Variants in SLC2A13 observed in about 807,000 individuals in gnomAD.
The protein encoded by SLC2A13 is proton myo-inositol cotransporter.
A neutral mutation model predicts 64.4 loss-of-function variants in SLC2A13; 32 were observed. The observed-to-expected ratio is 0.50, with a 90% CI of 0.37 to 0.67. SLC2A13 has a LOEUF of 0.67. Among genes scored for constraint, SLC2A13 ranks in the 30% least tolerant of loss-of-function variants. The pLI, the probability that SLC2A13 is intolerant of heterozygous loss-of-function variation, is 0.00. For missense variants in SLC2A13, 743 were observed against 829.2 expected, an observed-to-expected ratio of 0.90 and a Z score of 1.28; for synonymous variants, 338 against 327.1, an observed-to-expected ratio of 1.03 and a Z score of -0.36.
At chr12:39,809,030 T>C (rs1040049091) in intron 7 of SLC2A13, among the ~76,000 whole-genome samples, 3 of 152,182 alleles carry the variant, frequency 2.0e-5, no homozygotes, top group African/African-American at 7.2e-5. Flanking sequence ...ATAAATGTTT[T>C]ATGATTTTAG....
Position 39,951,382 on chromosome 12 carries a change from A to AG in SLC2A13, c.926-18dup. Reference sequence around the variant, plus strand: ...CAGGTCCAGCTTTTTTAAGAAAGAAAGAAAAAAAAAATACAACTATTATTT... The same window carrying AG: ...CAGGTCCAGCTTTTTTAAGAAAGAAAGGAAAAAAAAAATACAACTATTATTT... On this transcript the variant is annotated splice_polypyrimidine_tract_variant and intron_variant, in intron 3 of 9. Coordinates refer to ENST00000280871, the MANE Select transcript of SLC2A13 (RefSeq NM_052885.4). The AG allele has an allele frequency of 6.8e-7, 1 of 1,469,096 alleles. No individual in the cohort carries two copies. The highest frequency in any genetic ancestry group is 9.1e-7 in the Non-Finnish European group (1 of 1,098,626). The allele number at this position is 1,469,096 out of a possible 1,614,324, so 91.0% of individuals were successfully genotyped here.
chr12:39,851,366 A>G (rs1943463430), intron 6 of SLC2A13, among the ~76,000 whole-genome samples: 1 of 152,250 alleles, frequency 6.6e-6, no homozygotes, highest in Admixed American at 6.5e-5. Flanking sequence ...ATTAGGCTGA[A>G]GAAAAACAAA....
chr12:40,037,359 C>T (rs995741096), intron 2 of SLC2A13, among the ~76,000 whole-genome samples: 7 of 152,004 alleles, frequency 4.6e-5, no homozygotes, highest in Admixed American at 3.9e-4. Context: ...TGGCCCACAC[C>T]TCTAATCTCA....
chr12:39,857,466 C>T (rs4433640), intron 6 of SLC2A13, among the ~76,000 whole-genome samples: 94,000 of 151,972 alleles, frequency 0.62, 29,277 homozygotes, highest in East Asian at 0.77. Context: ...CCTTGCCATT[C>T]CCCTCCAAAA....
chr12:39,786,410 G>A lies in SLC2A13; in HGVS notation c.1446-21552C>T, dbSNP rs1284831380. Among the ~76,000 whole-genome samples the A allele has an allele frequency of 2.1e-3, 5 of 2,348 alleles. No individual in the cohort carries two copies. In the Admixed American group the frequency reaches 0.022, roughly 10 times the overall value. The allele number at this position is 2,348 out of a possible 152,430, so 1.5% of individuals were successfully genotyped here. ...GGCCTCCCCAGCCATGTGGAACTGT[G>A]AGTCCAGTTAAATCTCTTTTTCTTC... On this transcript the variant is annotated intron_variant, in intron 7 of 9. Coordinates refer to ENST00000280871, the MANE Select transcript of SLC2A13 (RefSeq NM_052885.4).
intron 1 of SLC2A13, among the ~76,000 whole-genome samples, chr12:40,071,340 T>C (rs1229456452): frequency 6.6e-6 from 1 of 152,178 alleles, no homozygotes; most frequent in East Asian, 1.9e-4. Flanking sequence ...ATATCAATTT[T>C]AAAAAGCTGA....
intron 1 of SLC2A13, among the ~76,000 whole-genome samples, chr12:40,104,883 A>T (rs1939254083): frequency 6.6e-6 from 1 of 152,230 alleles, no homozygotes; most frequent in South Asian, 2.1e-4. Context: ...AGGAAAGCAG[A>T]GACCCTCGTA....
chr12:39,996,665 G>A (rs951405675), intron 3 of SLC2A13, among the ~76,000 whole-genome samples: 7 of 152,270 alleles, frequency 4.6e-5, no homozygotes, highest in African/African-American at 1.7e-4. Flanking sequence ...GGCTGGAAGG[G>A]GCCAACATAG....
At chr12:39,996,441 G>A (rs140085501) in intron 3 of SLC2A13, among the ~76,000 whole-genome samples, 52 of 152,352 alleles carry the variant, frequency 3.4e-4, no homozygotes, top group African/African-American at 1.2e-3. Context: ...CAAGCCAGCT[G>A]CAGAAATTTG....
At chr12:40,100,969 C>CAAAAAAAAA (rs10633826) in intron 1 of SLC2A13, among the ~76,000 whole-genome samples, 2 of 84,672 alleles carry the variant, frequency 2.4e-5, no homozygotes, top group South Asian at 5.5e-4. Flanking sequence ...CCATCTCAGA[C>CAAAAAAAAA]AAAAAAAAAA....
intron 4 of SLC2A13, among the ~76,000 whole-genome samples, chr12:39,922,478 TCTAA>T (rs1307805977): frequency 1.3e-5 from 2 of 152,202 alleles, no homozygotes; most frequent in African/African-American, 4.8e-5. Context: ...GACTCTGTCC[TCTAA>T]CTATTATCTA....
intron 4 of SLC2A13, among the ~76,000 whole-genome samples, chr12:39,915,892 T>C (rs1221454041): frequency 2.0e-5 from 3 of 151,946 alleles, no homozygotes; most frequent in Admixed American, 2.0e-4. Flanking sequence ...AAATCTCTGA[T>C]TTACAGCATA....
At chr12:39,864,991 GAA>G (rs902176176) in intron 5 of SLC2A13, 109 bp from the exon 6 acceptor site, 24 of 991,366 alleles carry the variant, frequency 2.4e-5, no homozygotes, top group Non-Finnish European at 3.3e-5. Flanking sequence ...AAAAACTCCT[GAA>G]AAAAAAATAC....
chr12:40,063,722 G>A (rs1020808065), intron 1 of SLC2A13, among the ~76,000 whole-genome samples: 1 of 152,038 alleles, frequency 6.6e-6, no homozygotes, highest in Non-Finnish European at 1.5e-5. Context: ...AAGTCATAGA[G>A]GACGGACTAA....
chr12:39,991,064 T>G (rs141205060), intron 3 of SLC2A13, among the ~76,000 whole-genome samples: 1,843 of 152,274 alleles, frequency 0.012, 24 homozygotes, highest in Non-Finnish European at 0.018. Flanking sequence ...ACAGAGAAGT[T>G]TCCTCTGATT....
chr12:39,918,210 T>C (rs896060403), intron 4 of SLC2A13, among the ~76,000 whole-genome samples: 3 of 152,132 alleles, frequency 2.0e-5, no homozygotes, highest in African/African-American at 7.3e-5. Context: ...TAATTGTTGG[T>C]ATTCACACCC....
Position 39,755,667 on chromosome 12 carries a change from T to G in SLC2A13, c.*4359A>C, listed in dbSNP as rs1939953453. 6.6e-6 allele frequency: 1 copy of G among 152,080 alleles called. No individual in the cohort carries two copies. The highest frequency in any genetic ancestry group is 1.5e-5 in the Non-Finnish European group (1 of 67,892). The allele number at this position is 152,080 out of a possible 1,614,324, so 9.4% of individuals were successfully genotyped here. A position where few individuals can be genotyped will look rare whatever the true frequency, so the allele number is the denominator to read the frequency against. On this transcript the variant is annotated 3_prime_UTR_variant, in exon 10 of 10. Transcript: ENST00000280871. Reference sequence around the variant, plus strand: ...CTGCATGATCCACTTCTTTTTCTCATTTATGCTGACATGACAAAATCAAAC... The same window carrying G: ...CTGCATGATCCACTTCTTTTTCTCAGTTATGCTGACATGACAAAATCAAAC...
intron 3 of SLC2A13, among the ~76,000 whole-genome samples, chr12:39,981,620 A>C (rs1852524573): frequency 6.6e-6 from 1 of 151,884 alleles, no homozygotes; most frequent in Non-Finnish European, 1.5e-5. Context: ...CCCAAGACTA[A>C]ACCAGGAAGA....
chr12:40,004,475 T>C (rs1947377020), intron 3 of SLC2A13, among the ~76,000 whole-genome samples: 1 of 152,140 alleles, frequency 6.6e-6, no homozygotes, highest in African/African-American at 2.4e-5. Context: ...TGAGCCACCA[T>C]ACCCGGCCAC....
Sources: allele counts gnomAD v4.1 joint callset (sites outside exome capture counted in the v4.1 genomes callset), GRCh38; gene constraint gnomAD v4.1.1; transcripts MANE v1.5; gene names NCBI Gene and HGNC (gene_info 2026-07-23, HGNC 2026-07-21).